The following SCARA5 variants were observed in gnomAD, a reference collection of about 807,000 sequenced individuals.
SCARA5 encodes scavenger receptor class A, member 5 (putative).
In SCARA5, 45 loss-of-function variants were observed where a neutral mutation model predicts 46.3. The observed-to-expected ratio is 0.97, with a 90% confidence interval of 0.76 to 1.24. The LOEUF (loss-of-function observed/expected upper bound fraction) is 1.24, where lower values mean the gene tolerates loss of function less well. Ranked by LOEUF, SCARA5 falls within the 50% of genes most tolerant of loss-of-function variation. The probability of loss-of-function intolerance (pLI) is 0.00; values close to 1 mark genes in which losing one functional copy is unlikely to be tolerated. For missense variants in SCARA5, 680 were observed against 689.0 expected, an observed-to-expected ratio of 0.99 and a Z score of 0.15; for synonymous variants, 333 against 306.5, an observed-to-expected ratio of 1.09 and a Z score of -0.90.
intron 2 of SCARA5, among the ~76,000 whole-genome samples, chr8:27,975,684 A>T (rs59528167): frequency 0.19 from 28,797 of 149,268 alleles, 2,972 homozygotes; most frequent in East Asian, 0.47. Context: ...GCGAATAGAA[A>T]AAAACATTTT....
chr8:27,934,156 A>G (rs190950998), intron 3 of SCARA5, among the ~76,000 whole-genome samples: 1 of 152,350 alleles, frequency 6.6e-6, no homozygotes, highest in African/African-American at 2.4e-5. Flanking sequence ...AGCAGGGCTT[A>G]GAGCTGGTAG....
At chr8:27,893,258 C>T (rs949594142) in intron 7 of SCARA5, among the ~76,000 whole-genome samples, 13 of 152,236 alleles carry the variant, frequency 8.5e-5, no homozygotes, top group South Asian at 8.3e-4. Context: ...GGCAGAAGAC[C>T]GGCTCCTGCT....
intron 7 of SCARA5, among the ~76,000 whole-genome samples, chr8:27,892,083 G>T (rs1806992993): frequency 6.6e-6 from 1 of 152,244 alleles, no homozygotes; most frequent in Non-Finnish European, 1.5e-5. Flanking sequence ...ATGAAGATTA[G>T]CAGGGCCACC....
rs563312054 is a variant in SCARA5, at chr8:27,933,867, G to T, written c.242-11622C>A. Among the ~76,000 whole-genome samples the T allele has an allele frequency of 3.0e-3, 457 of 152,308 alleles. 1 individual carries two copies. The highest frequency in any genetic ancestry group is 0.01 in the African/African-American group (416 of 41,576). ...TCATAATTATAAAAGACAGGGAGAAGTTGGGAAAATGCTTATGAAATAGTA... is the reference window on the plus strand; with the variant it reads ...TCATAATTATAAAAGACAGGGAGAATTTGGGAAAATGCTTATGAAATAGTA... On this transcript the variant is annotated intron_variant, in intron 3 of 8. Coordinates refer to ENST00000354914, the MANE Select transcript of SCARA5 (RefSeq NM_173833.6).
At chr8:27,984,438 C>T (rs1808668855) in intron 2 of SCARA5, among the ~76,000 whole-genome samples, 1 of 152,196 alleles carries the variant, frequency 6.6e-6, no homozygotes, top group South Asian at 2.1e-4. Flanking sequence ...TGCTTTGCCA[C>T]ATTTAGACTT....
chr8:27,914,592 TAGC>T (rs906926181), intron 4 of SCARA5, among the ~76,000 whole-genome samples: 3 of 152,268 alleles, frequency 2.0e-5, no homozygotes, highest in African/African-American at 7.2e-5. Context: ...TAACGTGTAG[TAGC>T]AGAAGTGCCA....
intron 2 of SCARA5, among the ~76,000 whole-genome samples, chr8:27,977,990 A>T (rs552635745): frequency 1.3e-5 from 2 of 151,724 alleles, no homozygotes; most frequent in East Asian, 3.9e-4. Flanking sequence ...ACTAAAGTGC[A>T]CTAGTGTATT....
chr8:27,966,483 G>A lies in SCARA5; in HGVS notation c.172C>T (p.Leu58=). The stretch of plus-strand genomic sequence containing the variant: ...TAGAGCCCCAGGACAGCATGCTTCA[G>A]GGCCGACAGGGACCCCAGCTGGGTA... The part of the protein sequence containing the change: ...CCTQLGSLSA[L]KHAVLGLYLL... Residue 58 remains leucine (L), a synonymous_variant, in exon 3 of 9, where the codon CTG becomes TTG. Transcript: ENST00000354914. 6.2e-7 allele frequency: 1 copy of A among 1,613,914 alleles called. No homozygotes were observed. The highest frequency in any genetic ancestry group is 1.3e-5 in the African/African-American group (1 of 75,024).
intron 3 of SCARA5, 125 bp downstream of exon 3, chr8:27,966,289 T>C (rs983324804): frequency 4.0e-6 from 4 of 1,008,756 alleles, no homozygotes; most frequent in Non-Finnish European, 4.2e-6. Context: ...TTCTTCCTTC[T>C]TCCTCTATGG....
chr8:27,973,788 T>A (rs4332083), intron 2 of SCARA5, among the ~76,000 whole-genome samples: 83,707 of 151,990 alleles, frequency 0.55, 23,210 homozygotes, highest in South Asian at 0.66. Context: ...TTGGAAAGCA[T>A]ATGAAAAGTC....
In SCARA5 at chr8:27,871,862, G is replaced by C; in HGVS notation, c.*72C>G. The C allele has an allele frequency of 5.0e-6, 8 of 1,605,576 alleles. No homozygotes were observed. In the Admixed American group the frequency reaches 6.7e-5, roughly 13 times the overall value. On this transcript the variant is annotated 3_prime_UTR_variant, in exon 9 of 9. Transcript: ENST00000354914. Reference sequence around the variant, plus strand: ...GTCGAGGCATGGTCAGGGTGGCCCCGAGCTGTGCCCCACCCCAGGGATGCA... The same window carrying C: ...GTCGAGGCATGGTCAGGGTGGCCCCCAGCTGTGCCCCACCCCAGGGATGCA...
At chr8:27,895,588 C>A (rs1185899035) in intron 7 of SCARA5, among the ~76,000 whole-genome samples, 1 of 152,190 alleles carries the variant, frequency 6.6e-6, no homozygotes, top group African/African-American at 2.4e-5. Context: ...GTGTTAGCCC[C>A]ATTTTACAGG....
chr8:27,888,476 T>C (rs773021473), intron 7 of SCARA5, among the ~76,000 whole-genome samples: 2 of 152,218 alleles, frequency 1.3e-5, no homozygotes, highest in African/African-American at 2.4e-5. Context: ...AACCAATGTA[T>C]AACATCCATG....
chr8:27,953,017 TC>T (rs1212944265), intron 3 of SCARA5, among the ~76,000 whole-genome samples: 2 of 152,204 alleles, frequency 1.3e-5, no homozygotes, highest in Non-Finnish European at 2.9e-5. Context: ...CATGTGGATG[TC>T]AGACCCTGAA....
intron 7 of SCARA5, among the ~76,000 whole-genome samples, chr8:27,884,213 C>T (rs1355831340): frequency 6.6e-6 from 1 of 152,208 alleles, no homozygotes; most frequent in African/African-American, 2.4e-5. Flanking sequence ...CCGTTCTCCC[C>T]ACACAGACTG....
At chr8:27,938,612 G>A (rs1427820864) in intron 3 of SCARA5, among the ~76,000 whole-genome samples, 1 of 152,116 alleles carries the variant, frequency 6.6e-6, no homozygotes, top group African/African-American at 2.4e-5. Flanking sequence ...AATCCTCATC[G>A]ACAGGCAATG....
chr8:27,908,418 G>T (rs751699433), intron 5 of SCARA5, among the ~76,000 whole-genome samples: 64 of 152,316 alleles, frequency 4.2e-4, no homozygotes, highest in Middle Eastern at 3.4e-3. Flanking sequence ...ATGAGGCCTG[G>T]CCTAAGCGTG....
At chr8:27,928,491 A>G (rs1213796326) in intron 3 of SCARA5, among the ~76,000 whole-genome samples, 2 of 152,174 alleles carry the variant, frequency 1.3e-5, no homozygotes, top group African/African-American at 4.8e-5. Flanking sequence ...ACTGAGGCAC[A>G]CAGAGGTTCA....
intron 7 of SCARA5, among the ~76,000 whole-genome samples, chr8:27,899,869 G>A (rs1405871364): frequency 1.3e-5 from 2 of 152,222 alleles, no homozygotes; most frequent in East Asian, 1.9e-4. Context: ...CTGGCACGGT[G>A]GCTCATGCCT....
Sources: allele counts gnomAD v4.1 joint callset (sites outside exome capture counted in the v4.1 genomes callset), GRCh38; gene constraint gnomAD v4.1.1; transcripts MANE v1.5; gene names NCBI Gene and HGNC (gene_info 2026-07-23, HGNC 2026-07-21).